ADD1: variants seen among roughly 807,000 people sequenced by gnomAD.
The protein encoded by ADD1 is adducin 1.
Under a neutral mutation model 80.5 loss-of-function variants are expected in ADD1, and 24 were observed. The ratio of observed to expected loss-of-function variants is 0.30; its 90% CI spans 0.22 to 0.42. The LOEUF (loss-of-function observed/expected upper bound fraction) is 0.42. Among genes scored for constraint, ADD1 ranks in the 10% least tolerant of loss-of-function variants. The pLI is 1.00. For missense variants in ADD1, 948 were observed against 1,019.0 expected, an observed-to-expected ratio of 0.93 and a Z score of 0.95; for synonymous variants, 373 against 393.8, an observed-to-expected ratio of 0.95 and a Z score of 0.63.
chr4:2,853,370 G>C (rs1727604969), intron 1 of ADD1, among the ~76,000 whole-genome samples: 1 of 152,130 alleles, frequency 6.6e-6, no homozygotes, highest in South Asian at 2.1e-4. Flanking sequence ...GCCTCCCAAA[G>C]TGCTGGGATT....
At position 2,909,400 on chromosome 4, in the gene ADD1, T is replaced by A; in HGVS notation, c.1760T>A (p.Phe587Tyr). 6.4e-7 allele frequency: 1 copy of A among 1,550,450 alleles called. No individual in the cohort carries two copies. The highest frequency in any genetic ancestry group is 8.7e-7 in the Non-Finnish European group (1 of 1,146,886). The change falls in exon 13 of 16, where the codon TTT becomes TAT. Residue 587 changes from phenylalanine to tyrosine, a missense_variant. Coordinates refer to ENST00000683351, the MANE Select transcript of ADD1 (RefSeq NM_001354761.2). The stretch of plus-strand genomic sequence containing the variant: ...GGGCTCGAGCTTACAGAGCAGACCT[T>A]TAGTCCCGCTAAATCTCTCTCTTTT... ...IEGLELTEQT[F>Y]SPAKSLSFRK...
At chr4:2,889,879 G>A (rs1734011915) in intron 4 of ADD1, among the ~76,000 whole-genome samples, 1 of 151,956 alleles carries the variant, frequency 6.6e-6, no homozygotes, top group Non-Finnish European at 1.5e-5. Flanking sequence ...AACCTGGAAG[G>A]TTTGTCCCAC....
chr4:2,885,870 A>G (rs772592610), intron 4 of ADD1, among the ~76,000 whole-genome samples: 3 of 151,994 alleles, frequency 2.0e-5, no homozygotes, highest in Non-Finnish European at 2.9e-5. Flanking sequence ...TTGGCCTCCC[A>G]AAGTGCTGGG....
At chr4:2,913,490 C>T (rs998909918) in intron 13 of ADD1, among the ~76,000 whole-genome samples, 5 of 152,188 alleles carry the variant, frequency 3.3e-5, no homozygotes, top group African/African-American at 1.2e-4. Flanking sequence ...CAATGGGCCT[C>T]GAGTCAGACC....
intron 10 of ADD1, chr4:2,907,316 A>C (rs1737233528): frequency 5.9e-6 from 1 of 168,596 alleles, no homozygotes; most frequent in South Asian, 1.5e-4. Flanking sequence ...CTCCTCCCTA[A>C]CCCTGGGTAG....
chr4:2,905,222 C>T, intron 10 of ADD1, 114 bp downstream of exon 10: 1 of 930,862 alleles, frequency 1.1e-6, no homozygotes, highest in Non-Finnish European at 1.6e-6. Flanking sequence ...GCGAACCTTC[C>T]TTATTCACTT....
intron 1 of ADD1, among the ~76,000 whole-genome samples, chr4:2,847,114 G>C (rs535368241): frequency 6.6e-6 from 1 of 151,840 alleles, no homozygotes; most frequent in Admixed American, 6.6e-5. Context: ...GCGAGACTCC[G>C]TCTCAAAAAA....
intron 14 of ADD1, among the ~76,000 whole-genome samples, chr4:2,916,254 G>C (rs1162230667): frequency 6.6e-6 from 1 of 151,358 alleles, no homozygotes; most frequent in African/African-American, 2.4e-5. Flanking sequence ...GGAGTGCAGT[G>C]GCACGATCTC....
chr4:2,852,896 A>G (rs1727532821), intron 1 of ADD1, among the ~76,000 whole-genome samples: 1 of 151,544 alleles, frequency 6.6e-6, no homozygotes, highest in Non-Finnish European at 1.5e-5. Flanking sequence ...AGTAGAGCCA[A>G]GGCCTTGCTA....
chr4:2,886,497 A>T (rs1215312063), intron 4 of ADD1, among the ~76,000 whole-genome samples: 2 of 152,140 alleles, frequency 1.3e-5, no homozygotes, highest in Admixed American at 6.5e-5. Flanking sequence ...GTAGAATGTC[A>T]TCGCTGCTTT....
chr4:2,859,133 A>G (rs938977032), intron 1 of ADD1, among the ~76,000 whole-genome samples: 1 of 152,222 alleles, frequency 6.6e-6, no homozygotes, highest in African/African-American at 2.4e-5. Flanking sequence ...TCCCAGGTGG[A>G]TTAAAAAGAA....
intron 8 of ADD1, chr4:2,898,915 C>G: frequency 2.6e-6 from 1 of 381,798 alleles, no homozygotes; most frequent in Non-Finnish European, 4.8e-6. Flanking sequence ...CTGCAGCTTA[C>G]AGCTGTGAGT....
intron 4 of ADD1, among the ~76,000 whole-genome samples, chr4:2,886,481 C>T (rs1367683052): frequency 6.6e-6 from 1 of 152,128 alleles, no homozygotes; most frequent in Admixed American, 6.5e-5. Context: ...GGCACGGTCA[C>T]TCTGTGTAGA....
chr4:2,869,412 C>T (rs1048473300), intron 1 of ADD1, among the ~76,000 whole-genome samples: 7 of 152,192 alleles, frequency 4.6e-5, no homozygotes, highest in Non-Finnish European at 1.5e-5. Context: ...TCTTTGTCCG[C>T]ATTTTCCGTT....
chr4:2,905,131 A>G (rs1553846860), intron 10 of ADD1, 23 bp downstream of exon 10: 1 of 1,609,690 alleles, frequency 6.2e-7, no homozygotes, highest in South Asian at 1.1e-5. Flanking sequence ...CTTACTGTTC[A>G]TAGTTAGATG....
intron 13 of ADD1, 128 bp from the exon 14 acceptor site, chr4:2,914,756 A>T: frequency 2.8e-6 from 3 of 1,055,318 alleles, no homozygotes; most frequent in Non-Finnish European, 4.1e-6. Flanking sequence ...GGCCCATGGC[A>T]GTGCAGTCTC....
chr4:2,914,846 C>T (rs1738711526), intron 13 of ADD1, 38 bp from the exon 14 acceptor site: 4 of 1,557,036 alleles, frequency 2.6e-6, no homozygotes, highest in Non-Finnish European at 3.5e-6. Flanking sequence ...CCCCATCGGG[C>T]CGGGCTCCTG....
chr4:2,870,754 A>G (rs1481485921), intron 1 of ADD1, among the ~76,000 whole-genome samples: 1 of 152,234 alleles, frequency 6.6e-6, no homozygotes, highest in African/African-American at 2.4e-5. Flanking sequence ...AAGATAACAA[A>G]TAATGTCTAC....
intron 1 of ADD1, among the ~76,000 whole-genome samples, chr4:2,863,941 A>G (rs1314428536): frequency 1.3e-5 from 2 of 152,210 alleles, no homozygotes; most frequent in African/African-American, 4.8e-5. Flanking sequence ...CTATTCTGAT[A>G]TGAACAGAAT....
Sources: gnomAD v4.1 joint callset for allele counts (sites outside exome capture counted in the v4.1 genomes callset) on GRCh38, gnomAD v4.1.1 for gene constraint, MANE v1.5 for transcripts, NCBI Gene and HGNC (gene_info 2026-07-23, HGNC 2026-07-21) for gene names.